The following IFTAP variants were observed in gnomAD, a reference collection of about 807,000 sequenced individuals.
IFTAP encodes intraflagellar transport associated protein.
IFTAP carries 19 observed loss-of-function variants against 19.4 expected under a neutral mutation model. The observed-to-expected ratio is 0.98, with a 90% CI of 0.68 to 1.44. The LOEUF (loss-of-function observed/expected upper bound fraction) is 1.44, where lower values mean the gene tolerates loss of function less well. Among genes scored for constraint, IFTAP ranks in the 40% most tolerant of loss-of-function variants. IFTAP has a pLI of 0.00. For missense variants in IFTAP, 240 were observed against 253.6 expected (o/e 0.95, Z 0.36); for synonymous variants, 85 against 83.5 (o/e 1.02, Z -0.10).
intron 4 of IFTAP, among the ~76,000 whole-genome samples, chr11:36,644,596 A>G (rs1312135819): frequency 6.6e-6 from 1 of 152,140 alleles, no homozygotes; most frequent in African/African-American, 2.4e-5. Flanking sequence ...GTTGGAACCA[A>G]CCCAAATGTC....
chr11:36,624,125 T>C (rs911632782), intron 2 of IFTAP, among the ~76,000 whole-genome samples: 3 of 152,154 alleles, frequency 2.0e-5, no homozygotes, highest in South Asian at 2.1e-4. Context: ...CTTTTTTGCC[T>C]CTTCAAATAA....
intron 5 of IFTAP, among the ~76,000 whole-genome samples, chr11:36,655,273 C>A (rs1245677846): frequency 3.3e-5 from 5 of 152,224 alleles, no homozygotes; most frequent in Admixed American, 2.6e-4. Flanking sequence ...CAAAGCTCTC[C>A]TTTGTCAACT....
intron 2 of IFTAP, among the ~76,000 whole-genome samples, chr11:36,618,245 C>T (rs1277902740): frequency 1.3e-5 from 2 of 151,876 alleles, no homozygotes; most frequent in Non-Finnish European, 2.9e-5. Flanking sequence ...AGGGTGGGCC[C>T]CAACCCAGTA....
At chr11:36,621,340 T>A (rs543140271) in intron 2 of IFTAP, among the ~76,000 whole-genome samples, 1 of 152,132 alleles carries the variant, frequency 6.6e-6, no homozygotes, top group South Asian at 2.1e-4. Context: ...GAAACTTTAT[T>A]TTAACCAAAC....
intron 2 of IFTAP, among the ~76,000 whole-genome samples, chr11:36,615,772 C>T (rs1188860924): frequency 6.7e-6 from 1 of 148,952 alleles, no homozygotes; most frequent in East Asian, 2.0e-4. Flanking sequence ...ATTTTGTATC[C>T]TGAGACTTTG....
chr11:36,635,990 T>C (rs1852933782), intron 3 of IFTAP, 61 bp from the exon 4 acceptor site: 1 of 1,140,712 alleles, frequency 8.8e-7, no homozygotes, highest in East Asian at 2.4e-5. Flanking sequence ...TCGTTGACTT[T>C]TCACTGCAGT....
intron 5 of IFTAP, among the ~76,000 whole-genome samples, chr11:36,650,437 T>C (rs984015202): frequency 6.6e-6 from 1 of 151,968 alleles, no homozygotes; most frequent in Non-Finnish European, 1.5e-5. Context: ...TGTGATATTT[T>C]GGTACTATAT....
At position 36,622,483 on chromosome 11, in the gene IFTAP, C is replaced by T. The variant is rs147088554; in HGVS notation, c.137-10801C>T. 3.4e-3 allele frequency among the ~76,000 whole-genome samples: 516 copies of T among 152,074 alleles called. 7 individuals are homozygous for T. Among genetic ancestry groups the T allele is most frequent in the African/African-American group, 0.012 (486 of 41,502 alleles). On this transcript the variant is annotated intron_variant, in intron 2 of 5. Coordinates refer to ENST00000334307, the MANE Select transcript of IFTAP (RefSeq NM_138787.4). ...TGCTTTTATAGTTCTCATTTTGTTA[C>T]GGGCAGGGCCAGTGTAATGGGAAGG...
At chr11:36,644,683 G>A (rs1228708555) in intron 4 of IFTAP, among the ~76,000 whole-genome samples, 1 of 152,196 alleles carries the variant, frequency 6.6e-6, no homozygotes, top group East Asian at 1.9e-4. Flanking sequence ...AAAAGGATGA[G>A]TTCATGTCCT....
intron 5 of IFTAP, among the ~76,000 whole-genome samples, chr11:36,658,120 A>G (rs1390864764): frequency 6.6e-6 from 1 of 152,200 alleles, no homozygotes; most frequent in Non-Finnish European, 1.5e-5. Context: ...TCCATGCAAG[A>G]ATATTTAAAG....
chr11:36,647,755 C>T (rs1329653979), intron 4 of IFTAP, among the ~76,000 whole-genome samples: 1 of 151,928 alleles, frequency 6.6e-6, no homozygotes, highest in African/African-American at 2.4e-5. Context: ...CAGGTTACTC[C>T]AAAAACAGTA....
rs56824320 is a variant in IFTAP at position 36,624,005 on chromosome 11, A to AT, written c.137-9272dup. ...TGTATATATATGTGTGTATATATAT[A>AT]TTTTTTTCCTCCTTCTTCATTATTT... On this transcript the variant is annotated intron_variant, in intron 2 of 5. Coordinates refer to ENST00000334307, the MANE Select transcript of IFTAP (RefSeq NM_138787.4). Among the ~76,000 whole-genome samples the AT allele has an allele frequency of 5.7e-3, 862 of 151,866 alleles. 1 individual carries two copies. The highest frequency in any genetic ancestry group is 0.018 in the African/African-American group (732 of 41,420).
chr11:36,603,295 G>C (rs557941820), intron 1 of IFTAP, among the ~76,000 whole-genome samples: 1 of 152,188 alleles, frequency 6.6e-6, no homozygotes, highest in South Asian at 2.1e-4. Context: ...TAATATTATA[G>C]ATTAGTATTA....
chr11:36,644,892 T>C (rs1853413808), intron 4 of IFTAP, among the ~76,000 whole-genome samples: 1 of 151,002 alleles, frequency 6.6e-6, no homozygotes, highest in East Asian at 2.0e-4. Context: ...GAGATATACC[T>C]AATGTAAATG....
chr11:36,618,892 A>G (rs886561043), intron 2 of IFTAP, among the ~76,000 whole-genome samples: 2 of 151,990 alleles, frequency 1.3e-5, no homozygotes, highest in Non-Finnish European at 2.9e-5. Flanking sequence ...ACGTTGCTGG[A>G]GGTCTGGACT....
At chr11:36,629,192 G>T (rs974180747) in intron 2 of IFTAP, among the ~76,000 whole-genome samples, 1 of 151,246 alleles carries the variant, frequency 6.6e-6, no homozygotes, top group Non-Finnish European at 1.5e-5. Flanking sequence ...ATTGTCCAGA[G>T]AAACATTGCT....
rs564945378 is a variant in IFTAP at position 36,613,310 on chromosome 11, CTTCT to C, written c.136+3077_136+3080del. Among the ~76,000 whole-genome samples, 94 of 152,066 alleles carry C rather than the reference CTTCT, an allele frequency of 6.2e-4. 1 individual carries two copies. The East Asian group carries it at 0.016, about 25-fold the overall frequency. On this transcript the variant is annotated intron_variant, in intron 2 of 5. Coordinates refer to ENST00000334307, the MANE Select transcript of IFTAP (RefSeq NM_138787.4). ...ATATCTGTTTAAAAGGAAAAAAAGG[CTTCT>C]TTCTTCTTGCCTGTCATATTGCTAT...
chr11:36,644,539 C>T (rs1853387040), intron 4 of IFTAP, among the ~76,000 whole-genome samples: 1 of 152,088 alleles, frequency 6.6e-6, no homozygotes, highest in Non-Finnish European at 1.5e-5. Flanking sequence ...GCTATAAAGA[C>T]ACATGCACAC....
intron 5 of IFTAP, among the ~76,000 whole-genome samples, chr11:36,655,443 T>C (rs1853936744): frequency 6.6e-6 from 1 of 152,224 alleles, no homozygotes; most frequent in African/African-American, 2.4e-5. Flanking sequence ...TAATGATTTG[T>C]TTATGTGTTT....
Sources: allele counts gnomAD v4.1 joint callset (sites outside exome capture counted in the v4.1 genomes callset), GRCh38; gene constraint gnomAD v4.1.1; transcripts MANE v1.5; gene names NCBI Gene and HGNC (gene_info 2026-07-23, HGNC 2026-07-21).